NELL1: variants seen among roughly 807,000 people sequenced by gnomAD.
The protein encoded by NELL1 is protein kinase C-binding protein NELL1.
Under a neutral mutation model 107.4 loss-of-function variants are expected in NELL1, and 76 were observed. The observed-to-expected ratio is 0.71, with a 90% CI of 0.59 to 0.86. The LOEUF (loss-of-function observed/expected upper bound fraction) is 0.86. Among genes scored for constraint, NELL1 ranks in the 40% least tolerant of loss-of-function variants. The pLI, the probability that NELL1 is intolerant of heterozygous loss-of-function variation, is 0.00. For synonymous variants in NELL1, 353 were observed against 341.2 expected (o/e 1.03, Z -0.38); for missense variants, 1,024 against 1,005.5 (o/e 1.02, Z -0.25).
chr11:21,103,606 T>C (rs1854876138), intron 12 of NELL1, among the ~76,000 whole-genome samples: 1 of 152,196 alleles, frequency 6.6e-6, no homozygotes, highest in South Asian at 2.1e-4. Flanking sequence ...GTACCTATTA[T>C]TATATAAAAA....
At chr11:20,970,052 TGTCC>T (rs976642851) in intron 12 of NELL1, among the ~76,000 whole-genome samples, 4 of 137,744 alleles carry the variant, frequency 2.9e-5, no homozygotes, top group African/African-American at 7.7e-5. Context: ...TCTATCTCTC[TGTCC>T]ATCCATCCAT....
At chr11:21,347,297 G>A (rs1850704514) in intron 14 of NELL1, among the ~76,000 whole-genome samples, 1 of 152,128 alleles carries the variant, frequency 6.6e-6, no homozygotes, top group Non-Finnish European at 1.5e-5. Context: ...AGTTTGGCTT[G>A]TTTGAAGAAT....
intron 13 of NELL1, among the ~76,000 whole-genome samples, chr11:21,177,907 T>C (rs1355440192): frequency 6.6e-6 from 1 of 151,940 alleles, no homozygotes; most frequent in Non-Finnish European, 1.5e-5. Context: ...TGGCCATTTG[T>C]GTGTCTTTTT....
At position 21,337,795 on chromosome 11, in the gene NELL1, T is replaced by G. The variant is rs1275405599; in HGVS notation, c.1550-33058T>G. Among the ~76,000 whole-genome samples the G allele has an allele frequency of 7.5e-5, 10 of 132,956 alleles. No homozygotes were observed. The East Asian group carries it at 8.9e-4, about 12-fold the overall frequency. 87.2% of individuals were successfully genotyped at this position (132,956 alleles called of 152,430 possible). On this transcript the variant is annotated intron_variant, in intron 14 of 19. Coordinates refer to ENST00000357134, the MANE Select transcript of NELL1 (RefSeq NM_006157.5). Reference sequence around the variant, plus strand: ...TTCTTTCTTTCTTTCTTTCTTTCTTTCCTTCTTTCTTTCTTGCTTTCCTTC... The same window carrying G: ...TTCTTTCTTTCTTTCTTTCTTTCTTGCCTTCTTTCTTTCTTGCTTTCCTTC...
intron 9 of NELL1, among the ~76,000 whole-genome samples, chr11:20,932,936 G>A (rs909959967): frequency 3.3e-5 from 5 of 152,246 alleles, no homozygotes; most frequent in South Asian, 2.1e-4. Flanking sequence ...TTAGGAAAAC[G>A]TCATAGGTAA....
chr11:21,325,784 A>G (rs889132213), intron 14 of NELL1, among the ~76,000 whole-genome samples: 1 of 152,038 alleles, frequency 6.6e-6, no homozygotes, highest in Non-Finnish European at 1.5e-5. Flanking sequence ...TTTTCAGTCA[A>G]TCACTGTCCA....
At chr11:20,673,605 A>G (rs1316540824) in intron 1 of NELL1, among the ~76,000 whole-genome samples, 1 of 152,186 alleles carries the variant, frequency 6.6e-6, no homozygotes, top group Non-Finnish European at 1.5e-5. Context: ...AGCAGCAGGT[A>G]TCTTTGTTAG....
At chr11:20,966,481 T>C (rs2090396) in intron 12 of NELL1, among the ~76,000 whole-genome samples, 19,227 of 152,100 alleles carry the variant, frequency 0.13, 1,608 homozygotes, top group East Asian at 0.25. Flanking sequence ...TAATTCTTAG[T>C]TCCTGCTCCC....
intron 14 of NELL1, among the ~76,000 whole-genome samples, chr11:21,369,791 G>C (rs368797960): frequency 2.0e-5 from 3 of 152,170 alleles, no homozygotes; most frequent in South Asian, 4.1e-4. Context: ...TGCACGTTTA[G>C]TACTCTAAAT....
intron 12 of NELL1, among the ~76,000 whole-genome samples, chr11:21,098,000 G>T (rs1854693748): frequency 6.7e-6 from 1 of 149,208 alleles, no homozygotes; most frequent in African/African-American, 2.5e-5. Flanking sequence ...AAGCTACCCT[G>T]ATCAGTTTGT....
At chr11:21,503,526 C>T (rs1221149010) in intron 15 of NELL1, among the ~76,000 whole-genome samples, 1 of 152,118 alleles carries the variant, frequency 6.6e-6, no homozygotes, top group Non-Finnish European at 1.5e-5. Context: ...CCTCAATTTC[C>T]TCATCTTTGA....
rs180981265 is a variant in NELL1 at position 20,871,522 on chromosome 11, A to G, written c.507-13922A>G. Among the ~76,000 whole-genome samples, 663 of 152,234 alleles carry G rather than the reference A, an allele frequency of 4.4e-3. 1 individual carries two copies. Among genetic ancestry groups the G allele is most frequent in the African/African-American group, 0.015 (633 of 41,546 alleles). ...AATCTGTCTATTCATCCATCATCCA[A>G]ACAACTATTATTAATGGTCATAGTC... On this transcript the variant is annotated intron_variant, in intron 4 of 19. Coordinates refer to ENST00000357134, the MANE Select transcript of NELL1 (RefSeq NM_006157.5).
chr11:21,340,047 T>C (rs1850525066), intron 14 of NELL1, among the ~76,000 whole-genome samples: 1 of 152,228 alleles, frequency 6.6e-6, no homozygotes. Flanking sequence ...GTGGCTTTCC[T>C]GAGTTATCCT....
intron 12 of NELL1, among the ~76,000 whole-genome samples, chr11:21,013,269 C>A (rs919468263): frequency 5.9e-5 from 9 of 152,076 alleles, no homozygotes; most frequent in Non-Finnish European, 1.3e-4. Context: ...ACTTTGGCCA[C>A]CCGCTGGGAC....
chr11:20,708,998 C>G (rs939480978), intron 2 of NELL1, among the ~76,000 whole-genome samples: 1 of 152,126 alleles, frequency 6.6e-6, no homozygotes, highest in Non-Finnish European at 1.5e-5. Context: ...AGGGGTCATG[C>G]TCCTATGAGA....
At chr11:20,776,387 CA>C (rs1776348261) in intron 2 of NELL1, among the ~76,000 whole-genome samples, 1 of 152,010 alleles carries the variant, frequency 6.6e-6, no homozygotes, top group Middle Eastern at 3.4e-3. Flanking sequence ...TGCAGTGAGC[CA>C]AGATCACACC....
At chr11:20,785,330 G>T (rs555839645) in intron 3 of NELL1, among the ~76,000 whole-genome samples, 4 of 152,356 alleles carry the variant, frequency 2.6e-5, no homozygotes, top group Non-Finnish European at 4.4e-5. Context: ...TTCTGGGTCA[G>T]CCCAGAGAAA....
At position 21,496,405 on chromosome 11, in the gene NELL1, C is replaced by CTTT. The variant is rs1206711700; in HGVS notation, c.1646-37967_1646-37966insTTT. ...AATTTAAACATATTTTTATTCTTCT[C>CTTT]TTGTTTTTTTTTTTTTTTTTCTTGA... On this transcript the variant is annotated intron_variant, in intron 15 of 19. Transcript: ENST00000357134. 0.012 allele frequency among the ~76,000 whole-genome samples: 1,727 copies of CTTT among 141,108 alleles called. 114 individuals carry two copies. The East Asian group carries it at 0.22, about 18-fold the overall frequency. 92.6% of individuals were successfully genotyped at this position (141,108 alleles called of 152,430 possible).
At chr11:21,091,011 G>A (rs1854507857) in intron 12 of NELL1, among the ~76,000 whole-genome samples, 1 of 152,148 alleles carries the variant, frequency 6.6e-6, no homozygotes, top group African/African-American at 2.4e-5. Context: ...AAAATGCCTT[G>A]CAGAATCATG....
Sources: gnomAD v4.1 joint callset for allele counts (sites outside exome capture counted in the v4.1 genomes callset) on GRCh38, gnomAD v4.1.1 for gene constraint, MANE v1.5 for transcripts, NCBI Gene and HGNC (gene_info 2026-07-23, HGNC 2026-07-21) for gene names.